The following EVL variants were observed in gnomAD, a reference collection of about 807,000 sequenced individuals.
EVL encodes the protein ena/VASP-like protein.
A neutral mutation model predicts 59.6 loss-of-function variants in EVL; 21 were observed. That is an observed-to-expected ratio of 0.35 (90% CI 0.25 to 0.51). The LOEUF (loss-of-function observed/expected upper bound fraction) is 0.51, where lower values mean the gene tolerates loss of function less well. EVL is among the 20% of genes least tolerant of loss of function. EVL has a pLI of 0.97. For synonymous variants in EVL, 198 were observed against 203.5 expected (o/e 0.97, Z 0.23); for missense variants, 462 against 546.6 (o/e 0.85, Z 1.54).
At chr14:100,034,234 CAAA>C (rs548491187) in intron 1 of EVL, among the ~76,000 whole-genome samples, 4 of 90,912 alleles carry the variant, frequency 4.4e-5, no homozygotes, top group Admixed American at 2.6e-4. Context: ...GAATCTGTCT[CAAA>C]AAAAAAAAAA....
intron 1 of EVL, among the ~76,000 whole-genome samples, chr14:100,051,053 T>G (rs1490093629): frequency 6.6e-6 from 1 of 152,220 alleles, no homozygotes; most frequent in African/African-American, 2.4e-5. Context: ...AGCCTTATTA[T>G]TTTTACTAGC....
chr14:100,008,917 T>C (rs994436650), intron 1 of EVL, among the ~76,000 whole-genome samples: 1 of 152,094 alleles, frequency 6.6e-6, no homozygotes, highest in Non-Finnish European at 1.5e-5. Flanking sequence ...CTATTTTAGA[T>C]GAGGGAAAAA....
At chr14:100,083,060 C>G (rs755982431) in intron 1 of EVL, among the ~76,000 whole-genome samples, 2 of 152,176 alleles carry the variant, frequency 1.3e-5, no homozygotes, top group Non-Finnish European at 2.9e-5. Flanking sequence ...GAGTGCTCCC[C>G]CAGAATCATC....
chr14:100,002,835 T>G (rs2060954197), intron 1 of EVL, among the ~76,000 whole-genome samples: 1 of 152,218 alleles, frequency 6.6e-6, no homozygotes, highest in South Asian at 2.1e-4. Flanking sequence ...CTTCATTCTT[T>G]GAGAAAGGAG....
intron 1 of EVL, among the ~76,000 whole-genome samples, chr14:100,008,990 A>T (rs1320138420): frequency 6.6e-6 from 1 of 152,254 alleles, no homozygotes; most frequent in African/African-American, 2.4e-5. Flanking sequence ...TCAGAAATGG[A>T]ATGTGAGAAA....
In EVL at chr14:100,128,695, A is replaced by T; in HGVS notation, c.664A>T (p.Met222Leu). Reference sequence around the variant, plus strand: ...GGGGTCCAGCCACGACGAGAGCTCCATGTCAGGACTGGCCGCTGCCATAGC... The same window carrying T: ...GGGGTCCAGCCACGACGAGAGCTCCTTGTCAGGACTGGCCGCTGCCATAGC... ...AQGSSHDESS[M>L]SGLAAAIAGA... The change falls in exon 6 of 14, where the codon ATG becomes TTG. Residue 222 changes from methionine (M) to leucine (L), a missense_variant. Transcript: ENST00000392920. 6.2e-7 allele frequency: 1 copy of T among 1,602,526 alleles called. No individual in the cohort carries two copies. The highest frequency in any genetic ancestry group is 8.5e-7 in the Non-Finnish European group (1 of 1,177,656).
chr14:100,041,725 A>C (rs1037746815), intron 1 of EVL, among the ~76,000 whole-genome samples: 2 of 152,184 alleles, frequency 1.3e-5, no homozygotes, highest in African/African-American at 4.8e-5. Flanking sequence ...TGCCAAATGG[A>C]TTTCACCATG....
intron 2 of EVL, among the ~76,000 whole-genome samples, chr14:100,094,869 G>A (rs914549435): frequency 3.3e-5 from 5 of 152,082 alleles, no homozygotes; most frequent in Non-Finnish European, 5.9e-5. Flanking sequence ...GTGAAGCCCC[G>A]TCTCTACTAA....
At chr14:100,022,838 C>T (rs1471986077) in intron 1 of EVL, among the ~76,000 whole-genome samples, 2 of 152,168 alleles carry the variant, frequency 1.3e-5, no homozygotes, top group South Asian at 2.1e-4. Context: ...CATGGTGCCA[C>T]GTGGGCTGTT....
chr14:100,037,557 A>G (rs551271474), intron 1 of EVL, among the ~76,000 whole-genome samples: 1 of 152,368 alleles, frequency 6.6e-6, no homozygotes, highest in South Asian at 2.1e-4. Flanking sequence ...CGTGACATTA[A>G]TTCCAGGCTT....
intron 1 of EVL, among the ~76,000 whole-genome samples, chr14:100,068,505 A>G (rs2061983680): frequency 6.6e-6 from 1 of 152,282 alleles, no homozygotes; most frequent in Admixed American, 6.5e-5. Flanking sequence ...TGTGTGGATA[A>G]TGGCTGGCAG....
At chr14:100,112,577 C>A (rs1291101726) in intron 3 of EVL, among the ~76,000 whole-genome samples, 3 of 152,200 alleles carry the variant, frequency 2.0e-5, no homozygotes, top group African/African-American at 7.2e-5. Context: ...CTCCTTCATC[C>A]CAGTTACGCC....
intron 1 of EVL, among the ~76,000 whole-genome samples, chr14:100,015,739 A>G (rs747608679): frequency 6.6e-6 from 1 of 152,146 alleles, no homozygotes; most frequent in Non-Finnish European, 1.5e-5. Context: ...GATCAGTTGT[A>G]TGTATTAGGG....
At chr14:100,003,832 A>T (rs925404235) in intron 1 of EVL, among the ~76,000 whole-genome samples, 5 of 152,248 alleles carry the variant, frequency 3.3e-5, no homozygotes, top group Non-Finnish European at 5.9e-5. Flanking sequence ...CTGTTAGACC[A>T]ATTACCAAAA....
chr14:100,018,916 A>G (rs2061075212), intron 1 of EVL, among the ~76,000 whole-genome samples: 1 of 152,152 alleles, frequency 6.6e-6, no homozygotes, highest in South Asian at 2.1e-4. Flanking sequence ...AAATGATTAT[A>G]GCAATTTTTG....
At chr14:99,992,396 A>T (rs1191306808) in intron 1 of EVL, among the ~76,000 whole-genome samples, 2 of 151,870 alleles carry the variant, frequency 1.3e-5, no homozygotes, top group African/African-American at 4.8e-5. Context: ...CCCACTTTGT[A>T]GGTTGTCTTT....
intron 3 of EVL, among the ~76,000 whole-genome samples, chr14:100,118,805 CTAAGAG>C: frequency 6.6e-6 from 1 of 152,192 alleles, no homozygotes; most frequent in Non-Finnish European, 1.5e-5. Context: ...CTCATGGCTC[CTAAGAG>C]TAAAAGGGCT....
chr14:100,019,592 G>A, intron 1 of EVL: 1 of 1,359,940 alleles, frequency 7.4e-7, no homozygotes, highest in Non-Finnish European at 9.9e-7. Context: ...TGCACCATCT[G>A]ACTAACTAAA....
At chr14:100,087,241 C>T (rs184649038) in intron 2 of EVL, among the ~76,000 whole-genome samples, 370 of 152,262 alleles carry the variant, frequency 2.4e-3, no homozygotes, top group African/African-American at 8.3e-3. Context: ...AGTTATAGTA[C>T]CATTAGCCAA....
Sources: allele counts gnomAD v4.1 joint callset (sites outside exome capture counted in the v4.1 genomes callset), GRCh38; gene constraint gnomAD v4.1.1; transcripts MANE v1.5; gene names NCBI Gene and HGNC (gene_info 2026-07-23, HGNC 2026-07-21).